The following CARF variants were observed in gnomAD, a reference collection of about 807,000 sequenced individuals.
The protein encoded by CARF is calcium responsive transcription factor, also known as calcium-responsive transcription factor.
In CARF, 57 loss-of-function variants were observed where a neutral mutation model predicts 82.0. That is an observed-to-expected ratio of 0.70 (90% CI 0.56 to 0.87). The LOEUF (loss-of-function observed/expected upper bound fraction) is 0.87. Among genes scored for constraint, CARF ranks in the 40% least tolerant of loss-of-function variants. The pLI is 0.00. For synonymous variants in CARF, 268 were observed against 290.1 expected (o/e 0.92, Z 0.77); for missense variants, 771 against 855.8 (o/e 0.90, Z 1.24).
At position 202,973,825 on chromosome 2, in the gene CARF, C is replaced by T. The variant is rs138151979; in HGVS notation, c.1332-509C>T. Among the ~76,000 whole-genome samples the T allele has an allele frequency of 3.3e-3, 505 of 152,226 alleles. 4 individuals are homozygous for T. Among genetic ancestry groups the T allele is most frequent in the African/African-American group, 0.012 (485 of 41,534 alleles). On this transcript the variant is annotated intron_variant, in intron 12 of 16. Transcript: ENST00000438828. ...AAGCTCAGCTGGGCGTGGTGGCTCA[C>T]GCCTGTAATCCCAGCACTTTAGGAG...
rs928087193 is a variant in CARF at position 202,969,298 on chromosome 2, A to G, written c.954-621A>G. Among the ~76,000 whole-genome samples the G allele has an allele frequency of 2.0e-5, 3 of 152,262 alleles. No homozygotes were observed. In the East Asian group the frequency reaches 5.8e-4, roughly 29 times the overall value. ...GAGGCTATTAAAGTAATCCAGGGCC[A>G]GGCATGGCAGCTCATGCCTGTAATC... On this transcript the variant is annotated intron_variant, in intron 10 of 16. Transcript: ENST00000438828.
chr2:202,924,159 A>G (rs1691362694), intron 2 of CARF, 138 bp from the exon 3 acceptor site: 2 of 152,186 alleles, frequency 1.3e-5, no homozygotes, highest in Admixed American at 6.5e-5. Flanking sequence ...AAAGTTCTTT[A>G]GAGTTTGAAT....
At chr2:202,968,261 C>T (rs996130611) in intron 10 of CARF, among the ~76,000 whole-genome samples, 2 of 151,854 alleles carry the variant, frequency 1.3e-5, no homozygotes, top group African/African-American at 4.8e-5. Context: ...AATTAGCCAG[C>T]CGTGGTGGCG....
intron 8 of CARF, among the ~76,000 whole-genome samples, chr2:202,956,434 T>C (rs1419476768): frequency 6.6e-6 from 1 of 152,006 alleles, no homozygotes; most frequent in African/African-American, 2.4e-5. Context: ...TTTTGTATTT[T>C]TAGCAGAGAT....
At chr2:202,923,516 G>A (rs965164649) in intron 2 of CARF, among the ~76,000 whole-genome samples, 1 of 152,174 alleles carries the variant, frequency 6.6e-6, no homozygotes, top group Non-Finnish European at 1.5e-5. Context: ...TCATGGATGG[G>A]TAGAATCAGT....
chr2:202,948,432 A>C (rs1048353212), intron 5 of CARF, among the ~76,000 whole-genome samples: 1 of 152,136 alleles, frequency 6.6e-6, no homozygotes, highest in Non-Finnish European at 1.5e-5. Context: ...GAATCTGTGA[A>C]TTGCTTTGCG....
intron 10 of CARF, 62 bp downstream of exon 10, chr2:202,967,160 C>A: frequency 1.3e-6 from 2 of 1,541,636 alleles, no homozygotes; most frequent in Admixed American, 1.9e-5. Flanking sequence ...AGCTAATACA[C>A]ATATTTTTAT....
At chr2:202,927,607 T>G (rs1457887636) in intron 3 of CARF, among the ~76,000 whole-genome samples, 1 of 152,166 alleles carries the variant, frequency 6.6e-6, no homozygotes, top group African/African-American at 2.4e-5. Flanking sequence ...GATATTTTGA[T>G]ACATGTATAA....
At position 202,918,058 on chromosome 2, in the gene CARF, C is replaced by A; in HGVS notation, c.-163+15C>A. 2.2e-6 allele frequency: 1 copy of A among 445,402 alleles called. No homozygotes were observed. The highest frequency in any genetic ancestry group is 1.6e-5 in the South Asian group (1 of 61,414). 27.6% of individuals were successfully genotyped at this position (445,402 alleles called of 1,614,324 possible). ...ACTATCTGAAGGTAATTTTTTTTAA[C>A]TAATTGAAAGTAACAACTTTATTTT... On this transcript the variant is annotated intron_variant, in intron 2 of 16. Coordinates refer to ENST00000438828, the MANE Select transcript of CARF (RefSeq NM_024744.17).
intron 8 of CARF, among the ~76,000 whole-genome samples, chr2:202,960,475 CT>C (rs1441134457): frequency 1.3e-5 from 2 of 152,044 alleles, no homozygotes; most frequent in African/African-American, 4.8e-5. Flanking sequence ...GTTTCGAACT[CT>C]TGACCTCAGG....
intron 5 of CARF, among the ~76,000 whole-genome samples, chr2:202,948,388 A>G (rs943709738): frequency 3.3e-5 from 5 of 152,140 alleles, no homozygotes; most frequent in African/African-American, 1.2e-4. Context: ...GGTTCTGTGA[A>G]GAATGCCATT....
chr2:202,981,718 T>A, intron 15 of CARF, 33 bp downstream of exon 15: 1 of 1,583,854 alleles, frequency 6.3e-7, no homozygotes, highest in Non-Finnish European at 8.6e-7. Context: ...AAATTTGAGG[T>A]CCTTCTCTTT....
chr2:202,917,006 C>A (rs1408909353), intron 1 of CARF, among the ~76,000 whole-genome samples: 1 of 151,834 alleles, frequency 6.6e-6, no homozygotes, highest in South Asian at 2.1e-4. Flanking sequence ...GTCAGGAGAT[C>A]GAGACCATCC....
In CARF at chr2:202,984,163, C is replaced by T. The variant is rs998382830; in HGVS notation, c.*539C>T. 2.6e-5 allele frequency: 4 copies of T among 152,218 alleles called. No individual in the cohort carries two copies. The highest frequency in any genetic ancestry group is 9.7e-5 in the African/African-American group (4 of 41,436). The allele number at this position is 152,218 out of a possible 1,614,324, so 9.4% of individuals were successfully genotyped here. A position where few individuals can be genotyped will look rare whatever the true frequency, so the allele number is the denominator to read the frequency against. ...AAAGATGAAGTATTAGATTTTACAT[C>T]ATAACACAAAGTCCAGCAGCTACAT... On this transcript the variant is annotated 3_prime_UTR_variant, in exon 17 of 17. Coordinates refer to ENST00000438828, the MANE Select transcript of CARF (RefSeq NM_024744.17).
Position 202,942,861 on chromosome 2 carries a change from T to G in CARF, c.200T>G (p.Leu67Arg). 1.2e-6 allele frequency: 2 copies of G among 1,613,868 alleles called. No individual in the cohort carries two copies. The highest frequency in any genetic ancestry group is 1.7e-6 in the Non-Finnish European group (2 of 1,179,846). Reference protein sequence around the residue: ...SLISQNIPGPLTQTQTLSAEQ... With the variant: ...SLISQNIPGPRTQTQTLSAEQ... ...ATATCACAGAATATACCAGGGCCCC[T>G]GACTCAGACACAGACTCTTTCTGCA... Residue 67 changes from leucine (L) to arginine (R), a missense_variant, in exon 5 of 17, where the codon CTG becomes CGG. Physicochemically the swap from Leu to Arg is moderately radical, Grantham distance 102. Coordinates refer to ENST00000438828, the MANE Select transcript of CARF (RefSeq NM_024744.17).
In CARF at chr2:202,912,826, C is replaced by T. The variant is rs1158894765; in HGVS notation, c.-606C>T. 5 of 152,016 alleles carry T rather than the reference C, an allele frequency of 3.3e-5. No individual in the cohort carries two copies. Among genetic ancestry groups the T allele is most frequent in the Non-Finnish European group, 5.9e-5 (4 of 67,994 alleles). 9.4% of individuals were successfully genotyped at this position (152,016 alleles called of 1,614,324 possible). On this transcript the variant is annotated 5_prime_UTR_variant, in exon 1 of 17. Coordinates refer to ENST00000438828, the MANE Select transcript of CARF (RefSeq NM_024744.17). Reference sequence around the variant, plus strand: ...ACCTTGCTTTTTAGGGTTCTTTTTCCGCTTTCTGAGCCCTTTTATACCTTA... The same window carrying T: ...ACCTTGCTTTTTAGGGTTCTTTTTCTGCTTTCTGAGCCCTTTTATACCTTA...
At chr2:202,940,803 A>G (rs888080684) in intron 3 of CARF, among the ~76,000 whole-genome samples, 3 of 151,504 alleles carry the variant, frequency 2.0e-5, no homozygotes, top group Non-Finnish European at 4.4e-5. Flanking sequence ...TCTTTTTTTG[A>G]TCTTTTGGAG....
At chr2:202,939,077 G>T (rs1378496380) in intron 3 of CARF, among the ~76,000 whole-genome samples, 2 of 152,122 alleles carry the variant, frequency 1.3e-5, no homozygotes, top group East Asian at 3.8e-4. Flanking sequence ...GCATTTTGCT[G>T]TTCCTCTTTA....
At chr2:202,930,918 C>G (rs1411443347) in intron 3 of CARF, among the ~76,000 whole-genome samples, 1 of 150,632 alleles carries the variant, frequency 6.6e-6, no homozygotes, top group Non-Finnish European at 1.5e-5. Flanking sequence ...TCCACTTCCC[C>G]TTAATGATTA....
Sources: allele counts gnomAD v4.1 joint callset (sites outside exome capture counted in the v4.1 genomes callset), GRCh38; gene constraint gnomAD v4.1.1; transcripts MANE v1.5; gene names NCBI Gene and HGNC (gene_info 2026-07-23, HGNC 2026-07-21).